RYR2: variants seen among roughly 807,000 people sequenced by gnomAD.
RYR2 encodes the protein ryanodine receptor 2.
Under a neutral mutation model 601.1 loss-of-function variants are expected in RYR2, and 227 were observed. The ratio of observed to expected loss-of-function variants is 0.38; its 90% CI spans 0.34 to 0.42. RYR2 has a LOEUF of 0.42. Ranked by LOEUF, RYR2 falls within the 10% of genes least tolerant of loss-of-function variation. RYR2 has a pLI of 1.00. For missense variants in RYR2, 4,646 were observed against 6,156.5 expected, an observed-to-expected ratio of 0.75 and a Z score of 8.21; for synonymous variants, 2,223 against 2,175.1, an observed-to-expected ratio of 1.02 and a Z score of -0.61.
intron 77 of RYR2, among the ~76,000 whole-genome samples, chr1:237,730,798 C>G (rs148286807): frequency 0.011 from 1,640 of 152,194 alleles, 18 homozygotes; most frequent in Middle Eastern, 0.02. Context: ...GGAGACTGAA[C>G]ACATGGTAAA....
At chr1:237,624,209 GT>G (rs989201389) in intron 39 of RYR2, among the ~76,000 whole-genome samples, 1 of 152,160 alleles carries the variant, frequency 6.6e-6, no homozygotes, top group African/African-American at 2.4e-5. Flanking sequence ...TAGTCAATGG[GT>G]ACAAAGTTTC....
intron 16 of RYR2, among the ~76,000 whole-genome samples, chr1:237,458,731 A>G (rs1225497078): frequency 9.2e-6 from 1 of 108,498 alleles, no homozygotes; most frequent in Non-Finnish European, 2.1e-5. Flanking sequence ...GAGATAATGC[A>G]AAAAAAGTTA....
At chr1:237,698,903 A>G (rs1687724518) in intron 63 of RYR2, 62 bp from the exon 64 acceptor site, 3 of 874,676 alleles carry the variant, frequency 3.4e-6, no homozygotes, top group Non-Finnish European at 5.4e-6. Flanking sequence ...AAATATTGGT[A>G]GAAAAGAAGA....
chr1:237,751,278 A>T (rs1692513695), intron 80 of RYR2, among the ~76,000 whole-genome samples: 1 of 152,204 alleles, frequency 6.6e-6, no homozygotes, highest in Non-Finnish European at 1.5e-5. Context: ...GGCTTAAACA[A>T]ATAAGTGGGT....
At chr1:237,612,723 T>A (rs1573114690) in intron 36 of RYR2, among the ~76,000 whole-genome samples, 1 of 152,186 alleles carries the variant, frequency 6.6e-6, no homozygotes, top group Non-Finnish European at 1.5e-5. Flanking sequence ...AAGGAAAACG[T>A]TGTGTCTCTA....
chr1:237,128,042 G>A (rs1269053630), intron 1 of RYR2, among the ~76,000 whole-genome samples: 1 of 152,236 alleles, frequency 6.6e-6, no homozygotes, highest in East Asian at 1.9e-4. Flanking sequence ...GCGGCTGGGA[G>A]GTGGAGGTTG....
chr1:237,462,769 T>G (rs913166597), intron 16 of RYR2, among the ~76,000 whole-genome samples: 3 of 152,104 alleles, frequency 2.0e-5, no homozygotes, highest in African/African-American at 7.2e-5. Context: ...AGTCAAGAGG[T>G]GAAGAAGAAG....
intron 12 of RYR2, among the ~76,000 whole-genome samples, chr1:237,424,800 A>G (rs896792851): frequency 6.6e-6 from 1 of 152,202 alleles, no homozygotes; most frequent in Admixed American, 6.5e-5. Context: ...CTGTCACAGC[A>G]TAGGATTGGC....
At chr1:237,495,522 G>A (rs1468600731) in intron 19 of RYR2, among the ~76,000 whole-genome samples, 3 of 152,078 alleles carry the variant, frequency 2.0e-5, no homozygotes, top group African/African-American at 7.2e-5. Flanking sequence ...TTGTTTGTTT[G>A]TTTTACAGTA....
intron 62 of RYR2, among the ~76,000 whole-genome samples, chr1:237,686,720 A>G (rs1285885810): frequency 6.6e-6 from 1 of 152,114 alleles, no homozygotes; most frequent in Non-Finnish European, 1.5e-5. Context: ...GGCAGCCATT[A>G]TTTGGAATGG....
At chr1:237,473,431 C>CTTTCTTTCTTTCTTT (rs1466932341) in intron 17 of RYR2, among the ~76,000 whole-genome samples, 1 of 115,772 alleles carries the variant, frequency 8.6e-6, no homozygotes, top group African/African-American at 3.2e-5. Context: ...CTCTCTCTCT[C>CTTTCTTTCTTTCTTT]TCTTTCTTTC....
intron 82 of RYR2, 39 bp downstream of exon 82, chr1:237,757,815 A>G: frequency 8.3e-7 from 1 of 1,209,468 alleles, no homozygotes; most frequent in Non-Finnish European, 1.2e-6. Context: ...TACTTTTCAG[A>G]CAAATGGACC....
intron 3 of RYR2, 95 bp downstream of exon 3, chr1:237,331,077 C>A: frequency 9.8e-7 from 1 of 1,019,700 alleles, no homozygotes; most frequent in Non-Finnish European, 1.5e-6. Flanking sequence ...TTTCTTTTTG[C>A]TAAAATAAGT....
intron 2 of RYR2, among the ~76,000 whole-genome samples, chr1:237,329,244 G>A (rs1284247528): frequency 6.6e-6 from 1 of 151,938 alleles, no homozygotes; most frequent in Non-Finnish European, 1.5e-5. Flanking sequence ...ATACAGTGGT[G>A]TGACCATGGC....
chr1:237,218,461 A>G (rs1192877610), intron 1 of RYR2, among the ~76,000 whole-genome samples: 2 of 152,170 alleles, frequency 1.3e-5, no homozygotes, highest in Non-Finnish European at 2.9e-5. Flanking sequence ...GGTTGAGGAA[A>G]TGCAGGCTAG....
intron 1 of RYR2, among the ~76,000 whole-genome samples, chr1:237,070,031 CTTTTTT>C (rs3056163): frequency 7.4e-6 from 1 of 135,804 alleles, no homozygotes. Flanking sequence ...GGTGTTTTAA[CTTTTTT>C]TTTTTTTTTT....
In RYR2 at chr1:237,726,951, G is replaced by A. The variant is rs1690253935; in HGVS notation, c.10726-136G>A. The A allele has an allele frequency of 1.2e-5, 7 of 560,868 alleles. No individual in the cohort carries two copies. The East Asian group carries it at 1.7e-4, about 14-fold the overall frequency. 34.7% of individuals were successfully genotyped at this position (560,868 alleles called of 1,614,324 possible). ...TAATCTTAAGGTACTTTTGGAATTG[G>A]AATTCCAAATATAGATTACTTAAGA... On this transcript the variant is annotated intron_variant, in intron 75 of 104. Coordinates refer to ENST00000366574, the MANE Select transcript of RYR2 (RefSeq NM_001035.3).
In RYR2 at chr1:237,731,891, T is replaced by TACACACACACAC. The variant is rs71561898; in HGVS notation, c.10936-138_10936-127dup. On this transcript the variant is annotated intron_variant, in intron 77 of 104. Transcript: ENST00000366574. ...TATAGCATGTATAATGCATATAAAA[T>TACACACACACAC]ACACACACACACACACACACACACA... Among the ~76,000 whole-genome samples, 6,344 of 147,324 alleles carry TACACACACACAC rather than the reference T, an allele frequency of 0.043. 175 individuals carry two copies. The highest frequency in any genetic ancestry group is 0.081 in the African/African-American group (3,231 of 40,014).
intron 10 of RYR2, among the ~76,000 whole-genome samples, chr1:237,404,388 T>C (rs964416331): frequency 1.3e-5 from 2 of 152,184 alleles, no homozygotes; most frequent in Non-Finnish European, 2.9e-5. Flanking sequence ...GATCCTGTTA[T>C]AATAAGCCAA....
Sources: allele counts gnomAD v4.1 joint callset (sites outside exome capture counted in the v4.1 genomes callset), GRCh38; gene constraint gnomAD v4.1.1; transcripts MANE v1.5; gene names NCBI Gene and HGNC (gene_info 2026-07-23, HGNC 2026-07-21).